The following CHD4 variants were observed in gnomAD, a reference collection of about 807,000 sequenced individuals.
The protein encoded by CHD4 is ATP-dependent chromatin remodeler CHD4.
In CHD4, 35 loss-of-function variants were observed where a neutral mutation model predicts 235.5. The ratio of observed to expected loss-of-function variants is 0.15; its 90% CI spans 0.11 to 0.20. The LOEUF is 0.20. CHD4 is among the 10% of genes least tolerant of loss of function. CHD4 has a pLI of 1.00. For synonymous variants in CHD4, 900 were observed against 850.2 expected (o/e 1.06, Z -1.02); for missense variants, 1,329 against 2,432.3 (o/e 0.55, Z 9.54).
At chr12:6,599,711 T>G in intron 10 of CHD4, 62 bp downstream of exon 10, 1 of 1,604,172 alleles carries the variant, frequency 6.2e-7, no homozygotes, top group African/African-American at 1.3e-5. Context: ...AGCCTCACAA[T>G]AGCCTACATA....
intron 25 of CHD4, among the ~76,000 whole-genome samples, chr12:6,586,601 T>C (rs999449506): frequency 2.0e-5 from 3 of 151,954 alleles, no homozygotes; most frequent in Admixed American, 6.6e-5. Flanking sequence ...ACACATCTAC[T>C]AGGGTCACTC....
chr12:6,583,139 G>C (rs200950618), intron 26 of CHD4, 26 bp from the exon 27 acceptor site: 4 of 1,578,840 alleles, frequency 2.5e-6, no homozygotes, highest in East Asian at 2.4e-5. Context: ...GCAGATGAGC[G>C]GGGCCCACTG....
intron 38 of CHD4, among the ~76,000 whole-genome samples, chr12:6,572,556 G>T (rs1379037327): frequency 1.3e-5 from 2 of 152,116 alleles, no homozygotes; most frequent in Admixed American, 6.5e-5. Context: ...AATGGTGAGA[G>T]CCCATCTCTT....
intron 22 of CHD4, chr12:6,591,214 T>A (rs1340824947): frequency 5.5e-6 from 2 of 362,344 alleles, no homozygotes; most frequent in Non-Finnish European, 1.0e-5. Context: ...CTTGAACAAG[T>A]CCTGACCCTT....
chr12:6,581,143 C>A lies in CHD4; in HGVS notation c.4810G>T (p.Asp1604Tyr), dbSNP rs201471909. 2 of 1,614,044 alleles carry A rather than the reference C, an allele frequency of 1.2e-6. No individual in the cohort carries two copies. Among genetic ancestry groups the A allele is most frequent in the South Asian group, 1.1e-5 (1 of 91,076 alleles). ...GGGGGTTCAACAACGACCTTTTCAT[C>A]CTCTGAGGCAGGGGCAGGGGCCTGT... ...CTQAPAPASE[D>Y]EKVVVEPPEG... The change falls in exon 33 of 40, where the codon GAT becomes TAT. Residue 1604 changes from aspartate to tyrosine, a missense_variant. By Grantham distance (160) the Asp-to-Tyr change is radical (BLOSUM62 -3). Coordinates refer to ENST00000544040, the MANE Select transcript of CHD4 (RefSeq NM_001273.5).
intron 8 of CHD4, 33 bp from the exon 9 acceptor site, chr12:6,600,428 GA>G: frequency 1.9e-6 from 3 of 1,610,722 alleles, no homozygotes; most frequent in Non-Finnish European, 1.7e-6. Flanking sequence ...CCAGTTATTG[GA>G]AAAAAACTAC....
Position 6,601,957 on chromosome 12 carries a change from C to A in CHD4, c.438+3G>T, listed in dbSNP as rs61753201. On this transcript the variant is annotated splice_donor_region_variant and intron_variant, in intron 4 of 39. Transcript: ENST00000544040. ...ACAAAGAAGAGGATGGAGGTCCAGGCACCTTTGAATCATCATCATCATCCT... is the reference window on the plus strand; with the variant it reads ...ACAAAGAAGAGGATGGAGGTCCAGGAACCTTTGAATCATCATCATCATCCT... 5.0e-6 allele frequency: 8 copies of A among 1,607,456 alleles called. No homozygotes were observed. The African/African-American group carries it at 1.1e-4, about 21-fold the overall frequency.
chr12:6,592,196 A>G, intron 19 of CHD4, 139 bp from the exon 20 acceptor site: 2 of 1,253,854 alleles, frequency 1.6e-6, no homozygotes, highest in Non-Finnish European at 2.2e-6. Flanking sequence ...CACTACCACC[A>G]CCACCATTTT....
chr12:6,590,807 G>A (rs1446146984), intron 22 of CHD4, among the ~76,000 whole-genome samples: 4 of 152,102 alleles, frequency 2.6e-5, no homozygotes, highest in Non-Finnish European at 5.9e-5. Flanking sequence ...CTCGGCAACA[G>A]AGTGAGACCC....
At chr12:6,592,626 T>C (rs1948420116) in intron 18 of CHD4, 60 bp from the exon 19 acceptor site, 3 of 1,584,762 alleles carry the variant, frequency 1.9e-6, no homozygotes, top group South Asian at 2.2e-5. Flanking sequence ...AGAAAAGTGA[T>C]ACAGGAAATG....
In CHD4 at chr12:6,578,928, A is replaced by G; in HGVS notation, c.4910-11T>C. 6.2e-7 allele frequency: 1 copy of G among 1,613,112 alleles called. No individual in the cohort carries two copies. ...CTACATCAGCAGCACCTAGGGGAAG[A>G]AATGTTATTGAGACTATACCTAAAG... On this transcript the variant is annotated splice_polypyrimidine_tract_variant and intron_variant, in intron 33 of 39. Coordinates refer to ENST00000544040, the MANE Select transcript of CHD4 (RefSeq NM_001273.5).
In CHD4 at chr12:6,594,561, C is replaced by T. The variant is rs765428027; in HGVS notation, c.2211G>A (p.Leu737=). ...HPYQMEGLNW[L]RFSWAQGTDT... ...CAGTGCCCTGAGCCCAGGAGAAGCGCAACCAATTCAGGCCCTCCATTTGAT... is the reference window on the plus strand; with the variant it reads ...CAGTGCCCTGAGCCCAGGAGAAGCGTAACCAATTCAGGCCCTCCATTTGAT... The change falls in exon 15 of 40, where the codon TTG becomes TTA. Residue 737 remains leucine, a synonymous_variant. Transcript: ENST00000544040. The T allele has an allele frequency of 8.7e-6, 14 of 1,614,190 alleles. No individual in the cohort carries two copies. The highest frequency in any genetic ancestry group is 1.1e-5 in the Non-Finnish European group (13 of 1,180,026).
In CHD4 at chr12:6,593,154, G is replaced by A. The variant is rs1948430652; in HGVS notation, c.2589C>T (p.Gly863=). ...ELITIDMAIL[G]SIDWACLIVD... ...CGATGAGGCAGGCCCAATCAATAGA[G>A]CCCAAAATAGCCATGTCAATGGTGA... is the stretch of plus-strand genomic sequence containing the variant. Residue 863 remains glycine (G), a synonymous_variant, in exon 17 of 40, where the codon GGC becomes GGT. Coordinates refer to ENST00000544040, the MANE Select transcript of CHD4 (RefSeq NM_001273.5). This position sits in a 1 kb window ranked among gnomAD's most constrained non-coding sequence, Gnocchi z 4.9. The A allele has an allele frequency of 6.2e-7, 1 of 1,614,152 alleles. No individual in the cohort carries two copies. The highest frequency in any genetic ancestry group is 8.5e-7 in the Non-Finnish European group (1 of 1,180,024).
At chr12:6,574,345 A>C (rs866862810) in intron 37 of CHD4, among the ~76,000 whole-genome samples, 3 of 152,152 alleles carry the variant, frequency 2.0e-5, no homozygotes, top group African/African-American at 7.2e-5. Flanking sequence ...GCATTCTCCT[A>C]ATGCTGAACA....
At chr12:6,595,906 C>T in intron 13 of CHD4, 100 bp downstream of exon 13, 1 of 1,341,510 alleles carries the variant, frequency 7.5e-7, no homozygotes. Flanking sequence ...TGCAGTGAGT[C>T]AAGATCACGC....
At position 6,600,515 on chromosome 12, in the gene CHD4, A is replaced by G; in HGVS notation, c.1063+19T>C. Reference sequence around the variant, plus strand: ...ACTCCCACCTCATCCCATCACAAATATACAGAAGAGAAACACACCTTTCTT... The same window carrying G: ...ACTCCCACCTCATCCCATCACAAATGTACAGAAGAGAAACACACCTTTCTT... On this transcript the variant is annotated intron_variant, in intron 8 of 39. Transcript: ENST00000544040. The G allele has an allele frequency of 6.2e-7, 1 of 1,613,284 alleles. No individual in the cohort carries two copies. Among genetic ancestry groups the G allele is most frequent in the Non-Finnish European group, 8.5e-7 (1 of 1,179,780 alleles).
chr12:6,595,680 C>T (rs767199686), intron 13 of CHD4, among the ~76,000 whole-genome samples: 7 of 151,350 alleles, frequency 4.6e-5, no homozygotes, highest in Non-Finnish European at 1.0e-4. Flanking sequence ...CTCAGCTACT[C>T]GGGAGACTGA....
chr12:6,574,599 G>A (rs1948037047), intron 37 of CHD4, among the ~76,000 whole-genome samples: 1 of 152,218 alleles, frequency 6.6e-6, no homozygotes. Flanking sequence ...GTTCTATGCA[G>A]ATGATTTGAT....
intron 37 of CHD4, among the ~76,000 whole-genome samples, chr12:6,574,867 A>C (rs775398915): frequency 3.6e-4 from 55 of 152,242 alleles, no homozygotes; most frequent in Admixed American, 1.0e-3. Context: ...GGCAAGCTAC[A>C]GCCTGTGGGC....
Sources: gnomAD v4.1 joint callset for allele counts (sites outside exome capture counted in the v4.1 genomes callset) on GRCh38, gnomAD v4.1.1 for gene constraint, Gnocchi (gnomAD v3.1) non-coding constraint, MANE v1.5 for transcripts, NCBI Gene and HGNC (gene_info 2026-07-23, HGNC 2026-07-21) for gene names.